PRKN: variants seen among roughly 807,000 people sequenced by gnomAD.
The protein encoded by PRKN is parkin RBR E3 ubiquitin protein ligase.
PRKN carries 56 observed loss-of-function variants against 59.5 expected under a neutral mutation model. The observed-to-expected ratio is 0.94, with a 90% CI of 0.76 to 1.18. The LOEUF is 1.18. Among genes scored for constraint, PRKN ranks in the 50% most tolerant of loss-of-function variants. The probability of loss-of-function intolerance (pLI) is 0.00; values close to 1 mark genes in which losing one functional copy is unlikely to be tolerated. For synonymous variants in PRKN, 250 were observed against 222.1 expected (o/e 1.13, Z -1.12); for missense variants, 657 against 596.4 (o/e 1.10, Z -1.06).
In PRKN at chr6:161,538,052, G is replaced by T. The variant is rs1779491505; in HGVS notation, c.1083+10802C>A. Among the ~76,000 whole-genome samples, 1 of 152,216 alleles carries T rather than the reference G, an allele frequency of 6.6e-6. No homozygotes were observed. Among genetic ancestry groups the T allele is most frequent in the African/African-American group, 2.4e-5 (1 of 41,452 alleles). ...GTCAGGAACAATATTATTTCTGTCT[G>T]AAGGAGAGTAACAGGCAACTTTGAT... is the stretch of plus-strand genomic sequence containing the variant. On this transcript the variant is annotated intron_variant, in intron 9 of 11. Transcript: ENST00000366898. The surrounding 1 kb of genome is among the most constrained non-coding windows in gnomAD (Gnocchi z 4.2).
Position 162,568,111 on chromosome 6 carries a change from A to G in PRKN, c.8-124638T>C, listed in dbSNP as rs527533476. Among the ~76,000 whole-genome samples the G allele has an allele frequency of 2.0e-5, 3 of 152,282 alleles. No homozygotes were observed. In the East Asian group the frequency reaches 5.8e-4, roughly 29 times the overall value. On this transcript the variant is annotated intron_variant, in intron 1 of 11. Transcript: ENST00000366898. ...TATCTCTCACCATATATAAAAATCA[A>G]AGCAAAATCGATTTAAAAATTAAAT...
chr6:162,620,063 G>T (rs1782600565), intron 1 of PRKN, among the ~76,000 whole-genome samples: 1 of 115,398 alleles, frequency 8.7e-6, no homozygotes, highest in South Asian at 2.7e-4. Flanking sequence ...TTTCTTAACT[G>T]CTTTGCACGT....
intron 4 of PRKN, among the ~76,000 whole-genome samples, chr6:162,191,029 A>G (rs1258955978): frequency 6.6e-6 from 1 of 152,228 alleles, no homozygotes; most frequent in Non-Finnish European, 1.5e-5. Flanking sequence ...ACACACAAAA[A>G]CAGTTTCAAG....
chr6:161,712,038 T>G (rs1786771935), intron 7 of PRKN, among the ~76,000 whole-genome samples: 1 of 152,186 alleles, frequency 6.6e-6, no homozygotes, highest in Non-Finnish European at 1.5e-5. Context: ...GTGAGTCAAT[T>G]ATCTTTAATA....
chr6:162,263,244 T>A, intron 2 of PRKN: 1 of 203,348 alleles, frequency 4.9e-6, no homozygotes, highest in Non-Finnish European at 1.0e-5. Context: ...CACACCTGGC[T>A]ACGAAAAATA....
chr6:162,018,036 AT>A (rs917699263), intron 5 of PRKN, among the ~76,000 whole-genome samples: 320 of 151,726 alleles, frequency 2.1e-3, no homozygotes, highest in Non-Finnish European at 1.3e-3. Flanking sequence ...TTTTATTTTT[AT>A]TTTTTTTGAG....
chr6:162,023,842 A>G (rs1783311946), intron 5 of PRKN, among the ~76,000 whole-genome samples: 1 of 150,448 alleles, frequency 6.6e-6, no homozygotes, highest in Admixed American at 6.6e-5. Flanking sequence ...GAAGGACCAT[A>G]CTCTTCCCTT....
chr6:162,438,445 T>C (rs1161154283), intron 2 of PRKN, among the ~76,000 whole-genome samples: 3 of 152,220 alleles, frequency 2.0e-5, no homozygotes, highest in Non-Finnish European at 2.9e-5. Context: ...AAAATTTCTT[T>C]AGCCATTCTT....
chr6:162,291,001 A>G (rs1781403518), intron 2 of PRKN, among the ~76,000 whole-genome samples: 1 of 152,246 alleles, frequency 6.6e-6, no homozygotes, highest in African/African-American at 2.4e-5. Flanking sequence ...CTGAGATAGT[A>G]GGATAACTGT....
chr6:162,514,882 T>C (rs2128191540), intron 1 of PRKN, among the ~76,000 whole-genome samples: 1 of 152,324 alleles, frequency 6.6e-6, no homozygotes, highest in South Asian at 2.1e-4. Flanking sequence ...TCTATTCATG[T>C]AGTATAAGTG....
intron 4 of PRKN, among the ~76,000 whole-genome samples, chr6:162,077,968 A>G (rs1052689801): frequency 8.7e-5 from 13 of 148,626 alleles, no homozygotes; most frequent in African/African-American, 3.2e-4. Context: ...ACCACTGCAC[A>G]GCAGCCTGGG....
At chr6:161,664,281 G>C (rs1010017923) in intron 7 of PRKN, among the ~76,000 whole-genome samples, 42 of 152,206 alleles carry the variant, frequency 2.8e-4, no homozygotes, top group African/African-American at 9.7e-4. Context: ...GTATTGGGTA[G>C]AGATGAGCAC....
chr6:161,361,519 C>A lies in PRKN; in HGVS notation c.1168-1314G>T, dbSNP rs763541953. On this transcript the variant is annotated intron_variant, in intron 10 of 11. Transcript: ENST00000366898. The surrounding 1 kb of genome is among the most constrained non-coding windows in gnomAD (Gnocchi z 5.2). ...CAAATTTCAGGGGTTACCAAACTTT[C>A]AGGGGTTACCACTAAACTTTCAGGG... Among the ~76,000 whole-genome samples the A allele has an allele frequency of 2.6e-5, 4 of 152,186 alleles. No individual in the cohort carries two copies. The highest frequency in any genetic ancestry group is 5.9e-5 in the Non-Finnish European group (4 of 68,038).
At position 162,367,094 on chromosome 6, in the gene PRKN, C is replaced by T. The variant is rs529988355; in HGVS notation, c.171+76216G>A. Among the ~76,000 whole-genome samples, 25 of 152,158 alleles carry T rather than the reference C, an allele frequency of 1.6e-4. No individual in the cohort carries two copies. In the South Asian group the frequency reaches 1.9e-3, roughly 11 times the overall value. On this transcript the variant is annotated intron_variant, in intron 2 of 11. Transcript: ENST00000366898. The stretch of plus-strand genomic sequence containing the variant: ...AGTTGAATCCTGAGGCCAGTTACCC[C>T]CATGCCTGCTGTTCTCATGATGTGA...
chr6:161,849,859 T>C (rs773630629), intron 6 of PRKN, among the ~76,000 whole-genome samples: 7 of 152,196 alleles, frequency 4.6e-5, no homozygotes, highest in Non-Finnish European at 1.0e-4. Flanking sequence ...TCCAGACCTC[T>C]GTCAATTGTC....
rs556399604 is a variant in PRKN at position 161,550,358 on chromosome 6, C to T, written c.934-1355G>A. On this transcript the variant is annotated intron_variant, in intron 8 of 11. Transcript: ENST00000366898. This position sits in a 1 kb window ranked among gnomAD's most constrained non-coding sequence, Gnocchi z 4.0. ...GCAGAACTCTGAGGCTGAGGCATGA[C>T]ATAATTTGACTAATATTTTAAAGAC... is the stretch of plus-strand genomic sequence containing the variant. Among the ~76,000 whole-genome samples, 7 of 152,256 alleles carry T rather than the reference C, an allele frequency of 4.6e-5. No individual in the cohort carries two copies. The East Asian group carries it at 1.2e-3, about 25-fold the overall frequency.
chr6:162,627,238 C>T (rs921005128), intron 1 of PRKN, among the ~76,000 whole-genome samples: 1 of 152,140 alleles, frequency 6.6e-6, no homozygotes, highest in Non-Finnish European at 1.5e-5. Context: ...ATCTACCATA[C>T]ATAATAGTGC....
At chr6:161,881,190 G>A (rs1450776089) in intron 6 of PRKN, among the ~76,000 whole-genome samples, 1 of 152,152 alleles carries the variant, frequency 6.6e-6, no homozygotes, top group Non-Finnish European at 1.5e-5. Context: ...ATGTTGGAGG[G>A]ACACATGTCA....
intron 6 of PRKN, among the ~76,000 whole-genome samples, chr6:161,835,771 A>T (rs1478022650): frequency 1.3e-5 from 2 of 152,112 alleles, no homozygotes; most frequent in African/African-American, 4.8e-5. Context: ...AAGCCTTTTT[A>T]ATTTTATTTT....
Sources: gnomAD v4.1 joint callset for allele counts (sites outside exome capture counted in the v4.1 genomes callset) on GRCh38, gnomAD v4.1.1 for gene constraint, Gnocchi (gnomAD v3.1) non-coding constraint, MANE v1.5 for transcripts, NCBI Gene and HGNC (gene_info 2026-07-23, HGNC 2026-07-21) for gene names.